Variants in MYH6 observed in about 807,000 individuals in gnomAD.
The protein encoded by MYH6 is myosin heavy chain 6.
In MYH6, 126 loss-of-function variants were observed where a neutral mutation model predicts 223.2. That is an observed-to-expected ratio of 0.56 (90% CI 0.49 to 0.65). The LOEUF (loss-of-function observed/expected upper bound fraction) is 0.65, where lower values mean the gene tolerates loss of function less well. MYH6 is among the 30% of genes least tolerant of loss of function. MYH6 has a pLI of 0.00. For synonymous variants in MYH6, 978 were observed against 1,010.2 expected (o/e 0.97, Z 0.61); for missense variants, 2,040 against 2,536.4 (o/e 0.80, Z 4.20).
intron 29 of MYH6, 136 bp from the exon 30 acceptor site, chr14:23,388,474 C>T (rs1017565179): frequency 3.2e-5 from 44 of 1,395,150 alleles, no homozygotes; most frequent in African/African-American, 5.7e-5. Flanking sequence ...TGAGCCTGCT[C>T]ATGCCTGGAA....
Position 23,405,422 on chromosome 14 carries a change from G to A in MYH6, c.346-43C>T, listed in dbSNP as rs993565121. On this transcript the variant is annotated intron_variant, in intron 4 of 38. Coordinates refer to ENST00000405093, the MANE Select transcript of MYH6 (RefSeq NM_002471.4). This position sits in a 1 kb window ranked among gnomAD's most constrained non-coding sequence, Gnocchi z 4.7. ...GCTGGGCATGAGGTTGGTGGGGAGA[G>A]CCTGGGACAGGCAGTGGTGGCAGCC... 6.2e-7 allele frequency: 1 copy of A among 1,613,832 alleles called. No individual in the cohort carries two copies. The highest frequency in any genetic ancestry group is 8.5e-7 in the Non-Finnish European group (1 of 1,179,766).
At chr14:23,403,310 A>T (rs1171491124) in intron 10 of MYH6, 38 bp downstream of exon 10, 1 of 1,547,556 alleles carries the variant, frequency 6.5e-7, no homozygotes, top group South Asian at 1.1e-5. Context: ...GGTGTGCAGC[A>T]GGGACAGCAG....
rs1400673282 is a variant in MYH6, at chr14:23,402,570, C to T, written c.1035G>A (p.Glu345=). 2 of 1,613,836 alleles carry T rather than the reference C, an allele frequency of 1.2e-6. No individual in the cohort carries two copies. Among genetic ancestry groups the T allele is most frequent in the Non-Finnish European group, 1.7e-6 (2 of 1,179,980 alleles). ...TCAGCTTGTAGACGCCAGCTTTCTC[C>T]TCTGAAGTGAAGCCCAGCACGTCAA... ...SAFDVLGFTS[E]EKAGVYKLTG... Residue 345 remains glutamate, a synonymous_variant, in exon 12 of 39, where the codon GAG becomes GAA. Coordinates refer to ENST00000405093, the MANE Select transcript of MYH6 (RefSeq NM_002471.4).
At chr14:23,400,058 T>TAA in intron 14 of MYH6, 198 bp downstream of exon 14, 2 of 815,230 alleles carry the variant, frequency 2.5e-6, no homozygotes, top group Non-Finnish European at 3.9e-6. Flanking sequence ...CAAAGGGGCA[T>TAA]AAAGTGCAAG....
intron 10 of MYH6, 29 bp downstream of exon 10, chr14:23,403,319 A>G (rs1366790028): frequency 1.9e-6 from 3 of 1,576,868 alleles, no homozygotes; most frequent in South Asian, 2.2e-5. Context: ...CAGGGACAGC[A>G]GTGGGTGGGG....
chr14:23,395,274 C>T (rs1202372832), intron 20 of MYH6, among the ~76,000 whole-genome samples: 1 of 152,222 alleles, frequency 6.6e-6, no homozygotes, highest in Non-Finnish European at 1.5e-5. Flanking sequence ...TGTTTACTAA[C>T]AATATGCTTT....
At chr14:23,390,521 C>T (rs1891208461) in intron 25 of MYH6, 75 bp from the exon 26 acceptor site, 1 of 1,566,690 alleles carries the variant, frequency 6.4e-7, no homozygotes, top group Non-Finnish European at 8.6e-7. Context: ...TGAAAAGCTA[C>T]CAGGAACTTA....
At chr14:23,404,603 C>T in intron 7 of MYH6, 108 bp downstream of exon 7, 1 of 1,196,216 alleles carries the variant, frequency 8.4e-7, no homozygotes, top group East Asian at 2.4e-5. Context: ...GGGAGCCCAG[C>T]TCAGTGTGGC....
In MYH6 at chr14:23,394,173, G is replaced by A. The variant is rs1595056834; in HGVS notation, c.2580C>T (p.Arg860=). 1 of 1,614,166 alleles carries A rather than the reference G, an allele frequency of 6.2e-7. No individual in the cohort carries two copies. The highest frequency in any genetic ancestry group is 1.7e-5 in the Admixed American group (1 of 60,028). ...CGGACTTCTCCAGCGTCTCTTTGAT[G>A]CGCCCGAACTCTTCCTTCATGGTGG... The part of the protein sequence containing the change: ...EMATMKEEFG[R]IKETLEKSEA... Residue 860 remains arginine (R), a synonymous_variant, in exon 21 of 39, where the codon CGC becomes CGT. Coordinates refer to ENST00000405093, the MANE Select transcript of MYH6 (RefSeq NM_002471.4).
Position 23,400,262 on chromosome 14 carries a change from G to T in MYH6, c.1575C>A (p.Ile525=). ...GGTGAGGCCAAGGAGGCACCTTCTC[G>T]ATGAGGTCAATGCAGGCCTGCAGGT... is the stretch of plus-strand genomic sequence containing the variant. ...GMDLQACIDL[I]EKPMGIMSIL... Residue 525 remains isoleucine, a synonymous_variant, in exon 14 of 39, where the codon ATC becomes ATA. Transcript: ENST00000405093. 1 of 1,614,228 alleles carries T rather than the reference G, an allele frequency of 6.2e-7. No homozygotes were observed. The highest frequency in any genetic ancestry group is 1.1e-5 in the South Asian group (1 of 91,082).
At position 23,390,465 on chromosome 14, in the gene MYH6, G is replaced by C. The variant is rs1190624373; in HGVS notation, c.3343-19C>G. ...TGCGTGCCTGGGTCAGACACAAAGG[G>C]CTCAGACCCACCGCCTGGACCCCTC... On this transcript the variant is annotated intron_variant, in intron 25 of 38. Coordinates refer to ENST00000405093, the MANE Select transcript of MYH6 (RefSeq NM_002471.4). 1 of 1,611,466 alleles carries C rather than the reference G, an allele frequency of 6.2e-7. No homozygotes were observed. The highest frequency in any genetic ancestry group is 8.5e-7 in the Non-Finnish European group (1 of 1,179,808).
Position 23,400,812 on chromosome 14 carries a change from A to G in MYH6, c.1307T>C (p.Met436Thr), listed in dbSNP as rs572323362. 6.2e-7 allele frequency: 1 copy of G among 1,614,166 alleles called. No individual in the cohort carries two copies. The highest frequency in any genetic ancestry group is 2.2e-5 in the East Asian group (1 of 44,860). Residue 436 changes from methionine to threonine, a missense_variant, in exon 13 of 39, where the codon ATG becomes ACG. Met to Thr is a moderately conservative substitution (Grantham distance 81). Transcript: ENST00000405093. ...GATGCGCGTCACCATCCAGTTGAAC[A>G]TCTTCTCATACACTGCCTTGGCCAG... is the stretch of plus-strand genomic sequence containing the variant. Reference protein sequence around the residue: ...GALAKAVYEKMFNWMVTRINA... With the variant: ...GALAKAVYEKTFNWMVTRINA...
At chr14:23,395,819 C>T (rs751236452) in intron 20 of MYH6, among the ~76,000 whole-genome samples, 1 of 152,122 alleles carries the variant, frequency 6.6e-6, no homozygotes, top group Non-Finnish European at 1.5e-5. Flanking sequence ...TGAGCCACCG[C>T]GCCTGGCCTG....
Position 23,388,082 on chromosome 14 carries a change from C to G in MYH6, c.4359+73G>C, listed in dbSNP as rs903026139. 41 of 1,610,644 alleles carry G rather than the reference C, an allele frequency of 2.5e-5. No individual in the cohort carries two copies. The Admixed American group carries it at 6.0e-4, about 24-fold the overall frequency. ...TCCTCCTCCACCTCCAAGGAGGTTG[C>G]CTTTGGCCTCTCACTGAACCCCTCA... is the stretch of plus-strand genomic sequence containing the variant. On this transcript the variant is annotated intron_variant, in intron 30 of 38. Transcript: ENST00000405093.
intron 23 of MYH6, 75 bp from the exon 24 acceptor site, chr14:23,393,132 A>T (rs1447624170): frequency 1.3e-6 from 2 of 1,591,620 alleles, no homozygotes. Flanking sequence ...CCTCCTTCTA[A>T]ACTTGAAGTC....
chr14:23,397,355 G>T, intron 16 of MYH6, 98 bp from the exon 17 acceptor site: 1 of 1,349,492 alleles, frequency 7.4e-7, no homozygotes, highest in South Asian at 1.2e-5. Context: ...AATCATCAAA[G>T]GGACAGGGGC....
rs1162925455 is a variant in MYH6 at position 23,407,145 on chromosome 14, G to C, written c.79C>G (p.Gln27Glu). 2.5e-6 allele frequency: 4 copies of C among 1,614,266 alleles called. No homozygotes were observed. The highest frequency in any genetic ancestry group is 2.2e-5 in the East Asian group (1 of 44,884). Residue 27 changes from glutamine to glutamate, a missense_variant, in exon 3 of 39, where the codon CAG (glutamine) becomes GAG (glutamate). Gln to Glu is a conservative substitution (Grantham distance 29). This residue lies in a region of MYH6 where 184 missense variants were observed against 232.4 expected (regional missense o/e 0.79). Coordinates refer to ENST00000405093, the MANE Select transcript of MYH6 (RefSeq NM_002471.4). The surrounding 1 kb of genome is among the most constrained non-coding windows in gnomAD (Gnocchi z 5.6). Reference protein sequence around the residue: ...RKSEKERLEAQTRPFDIRTEC... With the variant: ...RKSEKERLEAETRPFDIRTEC... ...GTGCGAATGTCAAAGGGCCGGGTCT[G>C]GGCCTCTAGACGCTCCTTCTCTGAC...
intron 26 of MYH6, 123 bp downstream of exon 26, chr14:23,389,934 A>G: frequency 1.9e-6 from 3 of 1,589,092 alleles, no homozygotes; most frequent in Non-Finnish European, 2.6e-6. Context: ...GGAGACAGGA[A>G]GAGAGACCAA....
rs764165108 is a variant in MYH6, at chr14:23,392,520, G to A, written c.3342+42C>T. ...CTGCTGCAGCCTCAGTTACCTCAGG[G>A]CTATTGAGCTCCCACTTTCATGCAC... On this transcript the variant is annotated intron_variant, in intron 25 of 38. Transcript: ENST00000405093. The A allele has an allele frequency of 4.3e-6, 6 of 1,399,040 alleles. No individual in the cohort carries two copies. The South Asian group carries it at 5.8e-5, about 13-fold the overall frequency. The allele number at this position is 1,399,040 out of a possible 1,614,324, so 86.7% of individuals were successfully genotyped here. A position where few individuals can be genotyped will look rare whatever the true frequency, so the allele number is the denominator to read the frequency against.
Sources: gnomAD v4.1 joint callset for allele counts (sites outside exome capture counted in the v4.1 genomes callset) on GRCh38, gnomAD v4.1.1 for gene constraint, gnomAD v4.1.1 regional missense constraint, Gnocchi (gnomAD v3.1) non-coding constraint, MANE v1.5 for transcripts, NCBI Gene and HGNC (gene_info 2026-07-23, HGNC 2026-07-21) for gene names.